Variants in DYNC2H1 observed in about 807,000 individuals in gnomAD.
The protein encoded by DYNC2H1 is dynein cytoplasmic 2 heavy chain 1, also known as cytoplasmic dynein 2 heavy chain 1.
Under a neutral mutation model 570.0 loss-of-function variants are expected in DYNC2H1, and 410 were observed. The observed-to-expected ratio is 0.72, with a 90% CI of 0.66 to 0.78. The LOEUF is 0.78. Among genes scored for constraint, DYNC2H1 ranks in the 30% least tolerant of loss-of-function variants. The pLI, the probability that DYNC2H1 is intolerant of heterozygous loss-of-function variation, is 0.00. For synonymous variants in DYNC2H1, 1,688 were observed against 1,677.6 expected (o/e 1.01, Z -0.15); for missense variants, 4,865 against 5,046.4 (o/e 0.96, Z 1.09).
At chr11:103,330,330 A>G (rs1408207257) in intron 82 of DYNC2H1, among the ~76,000 whole-genome samples, 1 of 152,100 alleles carries the variant, frequency 6.6e-6, no homozygotes, top group African/African-American at 2.4e-5. Context: ...TGTGCAATCA[A>G]GACAGTTTGA....
chr11:103,178,360 G>T (rs925245213), intron 38 of DYNC2H1, among the ~76,000 whole-genome samples: 3 of 151,956 alleles, frequency 2.0e-5, no homozygotes, highest in Non-Finnish European at 4.4e-5. Context: ...TTTTTCTAAG[G>T]CAGTAAGTGA....
chr11:103,293,790 A>C (rs1285138443), intron 75 of DYNC2H1, among the ~76,000 whole-genome samples: 2 of 152,012 alleles, frequency 1.3e-5, no homozygotes, highest in Admixed American at 6.6e-5. Context: ...AATTTCTCTG[A>C]TATAGGCCAG....
intron 82 of DYNC2H1, among the ~76,000 whole-genome samples, chr11:103,330,206 C>T (rs1469324627): frequency 6.6e-6 from 1 of 152,154 alleles, no homozygotes; most frequent in African/African-American, 2.4e-5. Context: ...ATGTATTCTA[C>T]TAAGTTTGTA....
intron 17 of DYNC2H1, among the ~76,000 whole-genome samples, chr11:103,139,994 T>G (rs1859812712): frequency 6.6e-6 from 1 of 152,204 alleles, no homozygotes; most frequent in Non-Finnish European, 1.5e-5. Context: ...TCTTTTGATC[T>G]TTGTTGGTTT....
intron 85 of DYNC2H1, among the ~76,000 whole-genome samples, chr11:103,448,261 CAT>C (rs1491537380): frequency 1.3e-5 from 2 of 152,096 alleles, no homozygotes; most frequent in African/African-American, 2.4e-5. Flanking sequence ...TGTGGGTGAT[CAT>C]GTGTGTGTAT....
At chr11:103,361,113 T>A (rs1228015855) in intron 83 of DYNC2H1, among the ~76,000 whole-genome samples, 1 of 152,100 alleles carries the variant, frequency 6.6e-6, no homozygotes, top group Non-Finnish European at 1.5e-5. Flanking sequence ...GTAGATGAGG[T>A]AAGGGGATGC....
At chr11:103,274,149 C>T (rs1402929836) in intron 70 of DYNC2H1, among the ~76,000 whole-genome samples, 1 of 147,514 alleles carries the variant, frequency 6.8e-6, no homozygotes, top group Admixed American at 6.7e-5. Context: ...TATATATATA[C>T]ACACACATAT....
rs1940750528 is a variant in DYNC2H1, at chr11:103,363,380, A to G, written c.12156+5021A>G. On this transcript the variant is annotated intron_variant, in intron 83 of 88. Transcript: ENST00000375735. The surrounding 1 kb of genome is among the most constrained non-coding windows in gnomAD (Gnocchi z 5.6). ...GGAGATCTACTAGTGTGTTATTTCA[A>G]CTGAGAGAGAATGTTTATCCAGCCA... is the stretch of plus-strand genomic sequence containing the variant. 6.6e-6 allele frequency among the ~76,000 whole-genome samples: 1 copy of G among 152,140 alleles called. No individual in the cohort carries two copies. Among genetic ancestry groups the G allele is most frequent in the African/African-American group, 2.4e-5 (1 of 41,428 alleles).
chr11:103,343,421 T>C (rs1411142700), intron 82 of DYNC2H1, among the ~76,000 whole-genome samples: 5 of 150,460 alleles, frequency 3.3e-5, no homozygotes, highest in African/African-American at 1.2e-4. Context: ...TGATTTCTAG[T>C]ATAAATTTCA....
chr11:103,205,733 A>G lies in DYNC2H1; in HGVS notation c.8454+769A>G, dbSNP rs1862899672. Among the ~76,000 whole-genome samples the G allele has an allele frequency of 6.6e-6, 1 of 152,222 alleles. No homozygotes were observed. Among genetic ancestry groups the G allele is most frequent in the Non-Finnish European group, 1.5e-5 (1 of 68,008 alleles). ...CCCTCATGGTGTTTACATTCTTCTC[A>G]GGTATATCTGCGGGGAAAGCTTTCT... On this transcript the variant is annotated intron_variant, in intron 52 of 88. Coordinates refer to ENST00000375735, the MANE Select transcript of DYNC2H1 (RefSeq NM_001377.3). The surrounding 1 kb of genome is among the most constrained non-coding windows in gnomAD (Gnocchi z 4.5).
chr11:103,467,848 CTTTAAG>C (rs770280245), intron 87 of DYNC2H1, among the ~76,000 whole-genome samples: 4 of 152,144 alleles, frequency 2.6e-5, no homozygotes, highest in Middle Eastern at 3.4e-3. Context: ...GCACTGTACA[CTTTAAG>C]TTTGTTTATA....
rs1373793996 is a variant in DYNC2H1 at position 103,135,563 on chromosome 11, G to A, written c.2274G>A (p.Glu758=). 3 of 1,612,810 alleles carry A rather than the reference G, an allele frequency of 1.9e-6. No individual in the cohort carries two copies. Among genetic ancestry groups the A allele is most frequent in the Admixed American group, 1.7e-5 (1 of 59,870 alleles). ...HWNHQLYKAL[E]HQYQMGLEAL... ...ATCATCAACTGTACAAAGCTCTGGA[G>A]CATCAGTACCAGATGGGCTTAGAAG... is the stretch of plus-strand genomic sequence containing the variant. Residue 758 remains glutamate, a synonymous_variant, in exon 16 of 89, where the codon GAG becomes GAA. Transcript: ENST00000375735.
intron 82 of DYNC2H1, among the ~76,000 whole-genome samples, chr11:103,357,883 G>A (rs1350207206): frequency 6.6e-6 from 1 of 152,182 alleles, no homozygotes; most frequent in South Asian, 2.1e-4. Flanking sequence ...CCAGGGATTT[G>A]AAGCTGCAGT....
intron 85 of DYNC2H1, among the ~76,000 whole-genome samples, chr11:103,436,548 CT>C (rs34265516): frequency 0.55 from 84,050 of 151,770 alleles, 23,862 homozygotes; most frequent in East Asian, 0.72. Flanking sequence ...CTGTCTTCCT[CT>C]GCTTGTTGCA....
chr11:103,225,633 A>G (rs1863772305), intron 59 of DYNC2H1, among the ~76,000 whole-genome samples: 1 of 151,992 alleles, frequency 6.6e-6, no homozygotes, highest in African/African-American at 2.4e-5. Context: ...ATACCAGTGC[A>G]ATGCTGTTTT....
In DYNC2H1 at chr11:103,205,880, A is replaced by C. The variant is rs1862903706; in HGVS notation, c.8454+916A>C. 6.6e-6 allele frequency among the ~76,000 whole-genome samples: 1 copy of C among 152,152 alleles called. No individual in the cohort carries two copies. ...AAGATGATGTCAGAGAACTAAGAGG[A>C]AACCAGTTAGGATGGGGCTTTGTAA... On this transcript the variant is annotated intron_variant, in intron 52 of 88. Transcript: ENST00000375735. The surrounding 1 kb of genome is among the most constrained non-coding windows in gnomAD (Gnocchi z 4.5).
At chr11:103,200,896 G>A (rs1420740424) in intron 50 of DYNC2H1, among the ~76,000 whole-genome samples, 2 of 152,144 alleles carry the variant, frequency 1.3e-5, no homozygotes, top group East Asian at 1.9e-4. Context: ...ACATGATCTC[G>A]GCTCACTGCA....
In DYNC2H1 at chr11:103,177,808, C is replaced by G; in HGVS notation, c.6127C>G (p.Arg2043Gly). 1.2e-6 allele frequency: 2 copies of G among 1,610,350 alleles called. No individual in the cohort carries two copies. The highest frequency in any genetic ancestry group is 8.5e-7 in the Non-Finnish European group (1 of 1,178,810). ...VLTNSARQVV[R>G]EPQDVSSWII... is the part of the protein sequence containing the mutation. ...GACAAATAGTGCTCGTCAAGTGGTTCGGGAACCTCAAGGTTAGTCTCTATG... is the reference window on the plus strand; with the variant it reads ...GACAAATAGTGCTCGTCAAGTGGTTGGGGAACCTCAAGGTTAGTCTCTATG... The change falls in exon 38 of 89, where the codon CGG (arginine) becomes GGG (glycine). Residue 2043 changes from arginine (R) to glycine (G), a missense_variant. Transcript: ENST00000375735. This position sits in a 1 kb window ranked among gnomAD's most constrained non-coding sequence, Gnocchi z 4.4.
intron 20 of DYNC2H1, 34 bp downstream of exon 20, chr11:103,148,651 T>C (rs544716028): frequency 3.5e-5 from 54 of 1,533,894 alleles, no homozygotes; most frequent in Non-Finnish European, 4.3e-5. Flanking sequence ...TTATTATTAC[T>C]TTTTACTGCA....
Sources: allele counts gnomAD v4.1 joint callset (sites outside exome capture counted in the v4.1 genomes callset), GRCh38; gene constraint gnomAD v4.1.1; non-coding constraint Gnocchi (gnomAD v3.1); transcripts MANE v1.5; gene names NCBI Gene and HGNC (gene_info 2026-07-23, HGNC 2026-07-21).